YARS1: variants seen among roughly 807,000 people sequenced by gnomAD.
YARS1 encodes tyrosyl-tRNA synthetase 1, also known as tyrosine--tRNA ligase, cytoplasmic.
In YARS1, 36 loss-of-function variants were observed where a neutral mutation model predicts 62.2. The observed-to-expected ratio is 0.58, with a 90% confidence interval of 0.44 to 0.76. The LOEUF (loss-of-function observed/expected upper bound fraction) is 0.76. Among genes scored for constraint, YARS1 ranks in the 30% least tolerant of loss-of-function variants. The pLI is 0.00. For missense variants in YARS1, 524 were observed against 639.8 expected (o/e 0.82, Z 1.95); for synonymous variants, 234 against 244.9 (o/e 0.96, Z 0.42).
intron 11 of YARS1, 40 bp from the exon 12 acceptor site, chr1:32,779,563 TG>T: frequency 6.2e-7 from 1 of 1,614,054 alleles, no homozygotes; most frequent in Non-Finnish European, 8.5e-7. Context: ...AGGCTATGGA[TG>T]GGTTCCAGTG....
chr1:32,794,309 C>T (rs570157233), intron 5 of YARS1, among the ~76,000 whole-genome samples: 1 of 152,104 alleles, frequency 6.6e-6, no homozygotes, highest in African/African-American at 2.4e-5. Context: ...GAGATCATGC[C>T]GCTGCCCTTC....
chr1:32,797,881 AT>A (rs1653655311), intron 4 of YARS1, 38 bp from the exon 5 acceptor site: 7 of 1,584,088 alleles, frequency 4.4e-6, no homozygotes, highest in African/African-American at 4.0e-5. Context: ...CATCTACTTT[AT>A]TTTTTTGAGA....
intron 4 of YARS1, among the ~76,000 whole-genome samples, chr1:32,804,557 G>T (rs1638400759): frequency 6.6e-6 from 1 of 151,700 alleles, no homozygotes; most frequent in Admixed American, 6.6e-5. Context: ...CCCAGACGGG[G>T]TGGCGGTCGG....
chr1:32,778,929 A>C (rs957011592), intron 12 of YARS1, among the ~76,000 whole-genome samples: 1 of 151,440 alleles, frequency 6.6e-6, no homozygotes, highest in Non-Finnish European at 1.5e-5. Flanking sequence ...TAGTAGAGAC[A>C]GGGTTTCACC....
At chr1:32,800,525 A>G (rs534542011) in intron 4 of YARS1, among the ~76,000 whole-genome samples, 1 of 152,242 alleles carries the variant, frequency 6.6e-6, no homozygotes, top group East Asian at 1.9e-4. Context: ...GAAAAAGTGA[A>G]GTCTATCCAT....
At chr1:32,814,738 CA>C (rs1447521020) in intron 1 of YARS1, among the ~76,000 whole-genome samples, 1 of 152,190 alleles carries the variant, frequency 6.6e-6, no homozygotes, top group Non-Finnish European at 1.5e-5. Flanking sequence ...TTTTAAAACT[CA>C]AAAACTTCTT....
At chr1:32,790,927 C>T (rs1286521011) in intron 6 of YARS1, 2 of 524,738 alleles carry the variant, frequency 3.8e-6, no homozygotes, top group Admixed American at 3.2e-5. Context: ...AAAGACATTA[C>T]TTTTGCTTTT....
At chr1:32,809,746 AG>A (rs1638540756) in intron 3 of YARS1, among the ~76,000 whole-genome samples, 1 of 152,214 alleles carries the variant, frequency 6.6e-6, no homozygotes, top group Admixed American at 6.5e-5. Flanking sequence ...AGTTGTTCTA[AG>A]GGTTTAAATG....
At chr1:32,801,970 C>T (rs1178032273) in intron 4 of YARS1, among the ~76,000 whole-genome samples, 2 of 110,948 alleles carry the variant, frequency 1.8e-5, no homozygotes, top group African/African-American at 3.4e-5. Context: ...TTTTTTGAGA[C>T]GGAGTCTCGC....
rs1306357171 is a variant in YARS1 at position 32,789,155 on chromosome 1, C to T, written c.684+2007G>A. Among the ~76,000 whole-genome samples the T allele has an allele frequency of 3.3e-5, 5 of 152,154 alleles. No homozygotes were observed. The South Asian group carries it at 6.2e-4, about 19-fold the overall frequency. Reference sequence around the variant, plus strand: ...TATAGTTTTTATGCCATATTATATTCCCAATTATTAGTGGAAACATAATTT... The same window carrying T: ...TATAGTTTTTATGCCATATTATATTTCCAATTATTAGTGGAAACATAATTT... On this transcript the variant is annotated intron_variant, in intron 6 of 12. Transcript: ENST00000373477.
At chr1:32,791,021 C>A (rs1653396325) in intron 6 of YARS1, 141 bp downstream of exon 6, 2 of 808,050 alleles carry the variant, frequency 2.5e-6, no homozygotes, top group East Asian at 4.9e-5. Flanking sequence ...TCAAGAACCA[C>A]TAAACTAATT....
At position 32,810,843 on chromosome 1, in the gene YARS1, G is replaced by A; in HGVS notation, c.204+68C>T. 13 of 1,613,984 alleles carry A rather than the reference G, an allele frequency of 8.1e-6. 1 individual carries two copies. The South Asian group carries it at 1.2e-4, about 15-fold the overall frequency. On this transcript the variant is annotated intron_variant, in intron 2 of 12. Transcript: ENST00000373477. Reference sequence around the variant, plus strand: ...AACCTGTCTCCTCCAGCCCCACCCTGTCCTTGTTAAGTCTCTCTTGGGTCT... The same window carrying A: ...AACCTGTCTCCTCCAGCCCCACCCTATCCTTGTTAAGTCTCTCTTGGGTCT...
intron 8 of YARS1, among the ~76,000 whole-genome samples, chr1:32,784,598 G>A (rs1401837112): frequency 6.6e-6 from 1 of 151,994 alleles, no homozygotes; most frequent in East Asian, 1.9e-4. Context: ...GCAAAATAGT[G>A]CTTGGATAGT....
chr1:32,791,014 A>G (rs1653396261), intron 6 of YARS1, 148 bp downstream of exon 6: 1 of 776,756 alleles, frequency 1.3e-6, no homozygotes, highest in Non-Finnish European at 2.3e-6. Context: ...TTGATACTCA[A>G]GAACCACTAA....
chr1:32,804,975 A>C (rs1638416720), intron 4 of YARS1, among the ~76,000 whole-genome samples: 3 of 152,200 alleles, frequency 2.0e-5, no homozygotes. Flanking sequence ...CTCCGTCTGC[A>C]ATCCCGGCAC....
chr1:32,815,950 A>G (rs980810748), intron 1 of YARS1, among the ~76,000 whole-genome samples: 3 of 152,034 alleles, frequency 2.0e-5, no homozygotes, highest in Admixed American at 2.0e-4. Context: ...TCTACTAAAA[A>G]TACAAAAAAT....
intron 11 of YARS1, 84 bp from the exon 12 acceptor site, chr1:32,779,607 AC>A: frequency 1.3e-6 from 2 of 1,580,986 alleles, no homozygotes; most frequent in Non-Finnish European, 1.7e-6. Context: ...GGGCCTTTAC[AC>A]AGGGGCCCTG....
At chr1:32,792,086 G>A (rs114691484) in intron 5 of YARS1, among the ~76,000 whole-genome samples, 1 of 152,186 alleles carries the variant, frequency 6.6e-6, no homozygotes, top group South Asian at 2.1e-4. Flanking sequence ...ACTCATAGCT[G>A]TGTATGCACA....
At chr1:32,779,268 C>T in intron 12 of YARS1, 114 bp downstream of exon 12, 3 of 1,560,370 alleles carry the variant, frequency 1.9e-6, no homozygotes, top group East Asian at 2.2e-5. Flanking sequence ...GAGAGAGGGG[C>T]TCAAATGCAG....
Sources: allele counts gnomAD v4.1 joint callset (sites outside exome capture counted in the v4.1 genomes callset), GRCh38; gene constraint gnomAD v4.1.1; transcripts MANE v1.5; gene names NCBI Gene and HGNC (gene_info 2026-07-23, HGNC 2026-07-21).